The following ATP2C1 variants were observed in gnomAD, a reference collection of about 807,000 sequenced individuals.
ATP2C1 encodes ATPase secretory pathway Ca2+ transporting 1, also known as calcium-transporting ATPase type 2C member 1.
A neutral mutation model predicts 120.5 loss-of-function variants in ATP2C1; 31 were observed. That is an observed-to-expected ratio of 0.26 (90% CI 0.19 to 0.35). ATP2C1 has a LOEUF of 0.35. Among genes scored for constraint, ATP2C1 ranks in the 10% least tolerant of loss-of-function variants. ATP2C1 has a pLI of 1.00. For synonymous variants in ATP2C1, 351 were observed against 358.7 expected (o/e 0.98, Z 0.24); for missense variants, 731 against 1,107.5 (o/e 0.66, Z 4.83).
intron 26 of ATP2C1, chr3:131,014,526 G>A (rs1334822773): frequency 5.9e-6 from 5 of 847,578 alleles, no homozygotes; most frequent in South Asian, 2.1e-5. Flanking sequence ...AATTACTTAA[G>A]AATAATCTGT....
intron 14 of ATP2C1, 44 bp downstream of exon 14, chr3:130,965,089 T>C (rs764065916): frequency 7.1e-7 from 1 of 1,399,330 alleles, no homozygotes; most frequent in Non-Finnish European, 1.0e-6. Context: ...AGTATCCCTT[T>C]AAGAAACTTG....
intron 5 of ATP2C1, 46 bp downstream of exon 5, chr3:130,934,757 A>C (rs980286698): frequency 2.3e-6 from 3 of 1,307,918 alleles, no homozygotes; most frequent in Non-Finnish European, 3.3e-6. Flanking sequence ...TAAGTGTATA[A>C]ATTGGGATTG....
At position 130,867,091 on chromosome 3, in the gene ATP2C1, A is replaced by G. The variant is rs535544010; in HGVS notation, c.108+16163A>G. On this transcript the variant is annotated intron_variant, in intron 1 of 26. Transcript: ENST00000504381. ...GTGCCCTGAATCATGCCCGCATTAG[A>G]CAGAAAACTTAATGGATAAATGTGT... 7.9e-5 allele frequency among the ~76,000 whole-genome samples: 12 copies of G among 152,224 alleles called. No homozygotes were observed. The South Asian group carries it at 2.5e-3, about 32-fold the overall frequency.
At chr3:130,975,120 TGTGGGATG>T (rs1240432980) in intron 17 of ATP2C1, among the ~76,000 whole-genome samples, 1 of 152,108 alleles carries the variant, frequency 6.6e-6, no homozygotes, top group Non-Finnish European at 1.5e-5. Flanking sequence ...GCCTTTTATG[TGTGGGATG>T]GTGGGATAGA....
At chr3:130,880,460 A>G (rs928830011) in intron 1 of ATP2C1, among the ~76,000 whole-genome samples, 2 of 152,238 alleles carry the variant, frequency 1.3e-5, no homozygotes, top group African/African-American at 4.8e-5. Context: ...GATACAGGCT[A>G]CAAAAGCATT....
At chr3:130,998,708 T>C (rs773250293) in intron 26 of ATP2C1, among the ~76,000 whole-genome samples, 2 of 152,202 alleles carry the variant, frequency 1.3e-5, no homozygotes, top group Non-Finnish European at 2.9e-5. Context: ...CCTCATAGTT[T>C]CTGTTGAGAT....
chr3:130,935,018 A>G lies in ATP2C1; in HGVS notation c.324+307A>G, dbSNP rs185568420. On this transcript the variant is annotated intron_variant, in intron 5 of 27. Coordinates refer to ENST00000510168, the MANE Select transcript of ATP2C1 (RefSeq NM_001378687.1). ...CAGCAATTTTAAAATTTTTTTGTAAAGACAGGGTCTTGTTATGTTGCCCAG... is the reference window on the plus strand; with the variant it reads ...CAGCAATTTTAAAATTTTTTTGTAAGGACAGGGTCTTGTTATGTTGCCCAG... Among the ~76,000 whole-genome samples the G allele has an allele frequency of 1.1e-4, 16 of 152,188 alleles. No homozygotes were observed. In the South Asian group the frequency reaches 3.1e-3, roughly 30 times the overall value.
At chr3:130,999,436 G>C (rs928138100) in intron 26 of ATP2C1, 82 bp from the exon 27 acceptor site, 1 of 1,417,758 alleles carries the variant, frequency 7.1e-7, no homozygotes, top group Non-Finnish European at 9.9e-7. Flanking sequence ...GACACTGCTT[G>C]TTAAAAATTA....
intron 1 of ATP2C1, among the ~76,000 whole-genome samples, chr3:130,875,502 C>T (rs968267837): frequency 1.8e-4 from 27 of 152,094 alleles, no homozygotes; most frequent in Middle Eastern, 3.4e-3. Flanking sequence ...GTATATATAC[C>T]ACATTTTCTC....
In ATP2C1 at chr3:131,002,576, G is replaced by A. The variant is rs997030868; in HGVS notation, c.*1226G>A. 7.1e-6 allele frequency: 7 copies of A among 985,248 alleles called. No individual in the cohort carries two copies. Among genetic ancestry groups the A allele is most frequent in the African/African-American group, 5.2e-5 (3 of 57,242 alleles). The allele number at this position is 985,248 out of a possible 1,614,324, so 61.0% of individuals were successfully genotyped here. A position where few individuals can be genotyped will look rare whatever the true frequency, so the allele number is the denominator to read the frequency against. ...ATCAGTTTTTATGAAAGCTTGATGAGGTATAGGTCATTTGTTTTGAGTATG... is the reference window on the plus strand; with the variant it reads ...ATCAGTTTTTATGAAAGCTTGATGAAGTATAGGTCATTTGTTTTGAGTATG... On this transcript the variant is annotated 3_prime_UTR_variant, in exon 28 of 28. Coordinates refer to ENST00000510168, the MANE Select transcript of ATP2C1 (RefSeq NM_001378687.1).
intron 22 of ATP2C1, 94 bp from the exon 23 acceptor site, chr3:130,995,949 A>G: frequency 3.2e-6 from 3 of 926,110 alleles, no homozygotes; most frequent in Non-Finnish European, 5.2e-6. Context: ...CCGGTTGGAA[A>G]TTTATTTTCA....
At chr3:130,956,533 T>C (rs548070266) in intron 11 of ATP2C1, among the ~76,000 whole-genome samples, 1 of 152,082 alleles carries the variant, frequency 6.6e-6, no homozygotes, top group African/African-American at 2.4e-5. Context: ...ATAAAGGTTG[T>C]ATAGTTTTCT....
intron 26 of ATP2C1, among the ~76,000 whole-genome samples, chr3:130,998,861 T>C (rs559088773): frequency 2.6e-5 from 4 of 152,298 alleles, no homozygotes; most frequent in East Asian, 3.9e-4. Flanking sequence ...TATCTTAAGG[T>C]GTGACTGCTG....
At chr3:130,880,259 T>C (rs971405926) in intron 1 of ATP2C1, among the ~76,000 whole-genome samples, 2 of 152,184 alleles carry the variant, frequency 1.3e-5, no homozygotes, top group African/African-American at 4.8e-5. Context: ...TAGTAGTTGA[T>C]GTAGTAGTTT....
At chr3:130,970,393 C>CACACACAT (rs1248082245) in intron 17 of ATP2C1, among the ~76,000 whole-genome samples, 6 of 151,378 alleles carry the variant, frequency 4.0e-5, no homozygotes, top group African/African-American at 1.2e-4. Flanking sequence ...CACACACACA[C>CACACACAT]ACACACACAC....
chr3:131,003,644 A>G (rs760036847), downstream of ATP2C1, among the ~76,000 whole-genome samples: 2 of 152,210 alleles, frequency 1.3e-5, no homozygotes, highest in African/African-American at 4.8e-5. Flanking sequence ...AAGTGAAACC[A>G]TGAAACCCGA....
downstream of ATP2C1, among the ~76,000 whole-genome samples, chr3:131,007,165 A>G (rs777481541): frequency 1.3e-5 from 2 of 152,210 alleles, no homozygotes; most frequent in Non-Finnish European, 2.9e-5. Context: ...TTGAGCCATT[A>G]GTTTTTATCC....
intron 24 of ATP2C1, among the ~76,000 whole-genome samples, chr3:130,997,148 A>G (rs1163783489): frequency 6.6e-6 from 1 of 152,118 alleles, no homozygotes; most frequent in Non-Finnish European, 1.5e-5. Flanking sequence ...TGTCAGTTTT[A>G]GAGACTTTGG....
At chr3:130,860,623 A>G (rs2067984956) in intron 1 of ATP2C1, among the ~76,000 whole-genome samples, 1 of 152,246 alleles carries the variant, frequency 6.6e-6, no homozygotes, top group South Asian at 2.1e-4. Context: ...AACTTGCTAC[A>G]TAGCTCATAA....
Sources: allele counts gnomAD v4.1 joint callset (sites outside exome capture counted in the v4.1 genomes callset), GRCh38; gene constraint gnomAD v4.1.1; transcripts MANE v1.5; gene names NCBI Gene and HGNC (gene_info 2026-07-23, HGNC 2026-07-21).